The following ATRN variants were observed in gnomAD, a reference collection of about 807,000 sequenced individuals.
The protein encoded by ATRN is attractin.
ATRN carries 54 observed loss-of-function variants against 178.7 expected under a neutral mutation model. That is an observed-to-expected ratio of 0.30 (90% CI 0.24 to 0.38). The LOEUF (loss-of-function observed/expected upper bound fraction) is 0.38. Among genes scored for constraint, ATRN ranks in the 10% least tolerant of loss-of-function variants. The pLI, the probability that ATRN is intolerant of heterozygous loss-of-function variation, is 1.00. For synonymous variants in ATRN, 636 were observed against 663.0 expected (o/e 0.96, Z 0.63); for missense variants, 1,443 against 1,815.1 (o/e 0.79, Z 3.73).
At position 3,576,691 on chromosome 20, in the gene ATRN, G is replaced by GTCTA. The variant is rs879152299; in HGVS notation, c.2215-165_2215-164insATCT. Among the ~76,000 whole-genome samples the GTCTA allele has an allele frequency of 8.1e-3, 454 of 55,902 alleles. 3 individuals carry two copies. The highest frequency in any genetic ancestry group is 0.014 in the African/African-American group (251 of 18,066). 36.7% of individuals were successfully genotyped at this position (55,902 alleles called of 152,430 possible). Reference sequence around the variant, plus strand: ...AACTTATCTATCTATCTGTCTGTCTGTCTGTCTATCTATCTATCTATCTAT... The same window carrying GTCTA: ...AACTTATCTATCTATCTGTCTGTCTGTCTATCTGTCTATCTATCTATCTATCTAT... On this transcript the variant is annotated intron_variant, in intron 13 of 28. Coordinates refer to ENST00000262919, the MANE Select transcript of ATRN (RefSeq NM_139321.3).
At chr20:3,627,530 T>C (rs1169174114) in intron 25 of ATRN, among the ~76,000 whole-genome samples, 1 of 152,094 alleles carries the variant, frequency 6.6e-6, no homozygotes, top group African/African-American at 2.4e-5. Flanking sequence ...GTTGGATCTT[T>C]GAAAAGAGTA....
intron 24 of ATRN, among the ~76,000 whole-genome samples, chr20:3,613,788 A>G (rs1267406682): frequency 6.6e-6 from 1 of 151,704 alleles, no homozygotes; most frequent in Non-Finnish European, 1.5e-5. Flanking sequence ...CCTTTTTTAA[A>G]TGAGATTTTA....
rs1255681163 is a variant in ATRN at position 3,572,767 on chromosome 20, C to T, written c.1908C>T (p.Leu636=). The T allele has an allele frequency of 1.9e-6, 3 of 1,613,940 alleles. No individual in the cohort carries two copies. The highest frequency in any genetic ancestry group is 2.7e-5 in the African/African-American group (2 of 74,872). The change falls in exon 12 of 29, where the codon CTC becomes CTT. Residue 636 remains leucine, a synonymous_variant. Transcript: ENST00000262919. ...MYVFGGFNSL[L]LSDILVFTSE... Reference sequence around the variant, plus strand: ...TGTTCGGTGGTTTCAATAGTCTCCTCCTCAGCGACATCCTGGTATTCACCT... The same window carrying T: ...TGTTCGGTGGTTTCAATAGTCTCCTTCTCAGCGACATCCTGGTATTCACCT...
chr20:3,486,316 A>G (rs2084692989), intron 1 of ATRN, among the ~76,000 whole-genome samples: 1 of 152,000 alleles, frequency 6.6e-6, no homozygotes, highest in Admixed American at 6.6e-5. Flanking sequence ...TCCTCCCACC[A>G]GCCAGCATAG....
At position 3,598,094 on chromosome 20, in the gene ATRN, T is replaced by A. The variant is rs1317566592; in HGVS notation, c.3564+94T>A. On this transcript the variant is annotated intron_variant, in intron 22 of 28. Coordinates refer to ENST00000262919, the MANE Select transcript of ATRN (RefSeq NM_139321.3). ...TGGACGTACTGCCTTAACAGTGCTC[T>A]CCAGACTGGAGTACACGAGATGATC... 5.1e-6 allele frequency: 4 copies of A among 787,176 alleles called. No individual in the cohort carries two copies. The East Asian group carries it at 9.9e-5, about 19-fold the overall frequency. The allele number at this position is 787,176 out of a possible 1,614,324, so 48.8% of individuals were successfully genotyped here. A position where few individuals can be genotyped will look rare whatever the true frequency, so the allele number is the denominator to read the frequency against.
At chr20:3,616,728 G>C (rs533909352) in intron 24 of ATRN, among the ~76,000 whole-genome samples, 14 of 152,254 alleles carry the variant, frequency 9.2e-5, no homozygotes, top group African/African-American at 3.1e-4. Context: ...AGACCCCACT[G>C]GCAGCAGTTG....
chr20:3,610,562 G>A (rs1003820526), intron 24 of ATRN, among the ~76,000 whole-genome samples: 1 of 141,412 alleles, frequency 7.1e-6, no homozygotes, highest in African/African-American at 2.7e-5. Flanking sequence ...GCTAGTTCCA[G>A]CTGAATTTTT....
At chr20:3,564,026 A>G (rs917210499) in intron 10 of ATRN, among the ~76,000 whole-genome samples, 1 of 152,208 alleles carries the variant, frequency 6.6e-6, no homozygotes, top group Admixed American at 6.5e-5. Flanking sequence ...TTAAACAATA[A>G]TGTCCCATTT....
At chr20:3,495,564 T>G (rs2084866877) in intron 1 of ATRN, among the ~76,000 whole-genome samples, 1 of 152,120 alleles carries the variant, frequency 6.6e-6, no homozygotes, top group Admixed American at 6.6e-5. Context: ...GGTTAGCGAT[T>G]TGGTCATCAC....
rs577611906 is a variant in ATRN, at chr20:3,577,915, A to G, written c.2354-667A>G. 1.2e-3 allele frequency among the ~76,000 whole-genome samples: 186 copies of G among 152,192 alleles called. 1 individual carries two copies. The highest frequency in any genetic ancestry group is 4.3e-3 in the African/African-American group (179 of 41,502). On this transcript the variant is annotated intron_variant, in intron 14 of 28. Transcript: ENST00000262919. Reference sequence around the variant, plus strand: ...TTAATGAACATTGTTGATGTCTCCAAAGTACTTTGGTTCTGGTGAAGTTGC... The same window carrying G: ...TTAATGAACATTGTTGATGTCTCCAGAGTACTTTGGTTCTGGTGAAGTTGC...
intron 27 of ATRN, among the ~76,000 whole-genome samples, chr20:3,643,339 T>G (rs866515910): frequency 4.6e-4 from 70 of 152,142 alleles, no homozygotes; most frequent in African/African-American, 1.6e-3. Context: ...TAAGTGGGTG[T>G]TGTTTTAAGC....
rs757608354 is a variant in ATRN at position 3,584,843 on chromosome 20, G to A, written c.3147G>A (p.Glu1049=). The change falls in exon 18 of 29, where the codon GAG becomes GAA. Residue 1049 remains glutamate, a synonymous_variant. Transcript: ENST00000262919. ...TGCTCAATTCCAGCATGTGTCTAGA[G>A]GACAGCAGATACAACTGGTCTTTCA... The part of the protein sequence containing the change: ...QPLLNSSMCL[E]DSRYNWSFIH... 7.4e-6 allele frequency: 12 copies of A among 1,614,042 alleles called. No homozygotes were observed. The highest frequency in any genetic ancestry group is 5.0e-5 in the Admixed American group (3 of 59,986).
chr20:3,630,338 A>C lies in ATRN; in HGVS notation c.3864-3973A>C, dbSNP rs73581441. Reference sequence around the variant, plus strand: ...AGCCCAAGCTTCAGGGGAGCAGTGCACTGTCTCTCGTTCACTCCTATACAC... The same window carrying C: ...AGCCCAAGCTTCAGGGGAGCAGTGCCCTGTCTCTCGTTCACTCCTATACAC... On this transcript the variant is annotated intron_variant, in intron 25 of 28. Coordinates refer to ENST00000262919, the MANE Select transcript of ATRN (RefSeq NM_139321.3). Among the ~76,000 whole-genome samples the C allele has an allele frequency of 1.6e-3, 243 of 152,294 alleles. 2 individuals are homozygous for C. The highest frequency in any genetic ancestry group is 4.0e-3 in the African/African-American group (165 of 41,558).
intron 18 of ATRN, among the ~76,000 whole-genome samples, chr20:3,585,331 T>C (rs963964587): frequency 1.1e-4 from 17 of 152,176 alleles, no homozygotes; most frequent in South Asian, 2.1e-4. Context: ...CTGCACTGCA[T>C]GTAACAACTG....
At chr20:3,573,047 T>C (rs149829877) in intron 12 of ATRN, 96 bp downstream of exon 12, 1 of 1,091,800 alleles carries the variant, frequency 9.2e-7, no homozygotes. Context: ...TTTTTATGTT[T>C]ACCTTATCCA....
intron 11 of ATRN, among the ~76,000 whole-genome samples, chr20:3,571,429 G>A (rs1365429834): frequency 6.6e-6 from 1 of 152,184 alleles, no homozygotes; most frequent in Non-Finnish European, 1.5e-5. Flanking sequence ...GGTTCAAAAA[G>A]TAAATGCAAA....
At chr20:3,507,798 C>A (rs2085068040) in intron 1 of ATRN, among the ~76,000 whole-genome samples, 1 of 150,734 alleles carries the variant, frequency 6.6e-6, no homozygotes, top group Non-Finnish European at 1.5e-5. Flanking sequence ...AATTCTCCTG[C>A]CTCAGCTTCC....
chr20:3,631,901 T>G (rs1047541795), intron 25 of ATRN, among the ~76,000 whole-genome samples: 2 of 152,204 alleles, frequency 1.3e-5, no homozygotes, highest in Non-Finnish European at 2.9e-5. Flanking sequence ...GAGAAGGTTA[T>G]TCTCAGACCT....
rs536811640 is a variant in ATRN, at chr20:3,575,870, C to T, written c.2136C>T (p.Ser712=). The change falls in exon 13 of 29, where the codon AGC becomes AGT. Residue 712 remains serine (S), a synonymous_variant. Transcript: ENST00000262919. ...GTGACCAGCACACAGATTGTTACAG[C>T]TGCACAGCCAACACCAATGACTGCC... ...DRCDQHTDCY[S]CTANTNDCHW... is the part of the protein sequence containing the mutation. 1.6e-5 allele frequency: 26 copies of T among 1,613,998 alleles called. No individual in the cohort carries two copies. Among genetic ancestry groups the T allele is most frequent in the Admixed American group, 1.2e-4 (7 of 60,020 alleles).
Sources: allele counts gnomAD v4.1 joint callset (sites outside exome capture counted in the v4.1 genomes callset), GRCh38; gene constraint gnomAD v4.1.1; transcripts MANE v1.5; gene names NCBI Gene and HGNC (gene_info 2026-07-23, HGNC 2026-07-21).